ADAMTS2: variants seen among roughly 807,000 people sequenced by gnomAD.
ADAMTS2 encodes the protein A disintegrin and metalloproteinase with thrombospondin motifs 2.
Under a neutral mutation model 123.0 loss-of-function variants are expected in ADAMTS2, and 50 were observed. The ratio of observed to expected loss-of-function variants is 0.41; its 90% CI spans 0.32 to 0.51. ADAMTS2 has a LOEUF of 0.51. ADAMTS2 is among the 20% of genes least tolerant of loss of function. The probability of loss-of-function intolerance (pLI) is 0.35; values close to 1 mark genes in which losing one functional copy is unlikely to be tolerated. For synonymous variants in ADAMTS2, 678 were observed against 695.4 expected (o/e 0.98, Z 0.39); for missense variants, 1,494 against 1,705.2 (o/e 0.88, Z 2.18).
chr5:179,261,772 A>G (rs969814534), intron 3 of ADAMTS2, among the ~76,000 whole-genome samples: 2 of 152,200 alleles, frequency 1.3e-5, no homozygotes, highest in Non-Finnish European at 2.9e-5. Context: ...CGTGCAGGCC[A>G]CAGTTCCTGC....
At chr5:179,210,703 G>A (rs1318648361) in intron 3 of ADAMTS2, among the ~76,000 whole-genome samples, 1 of 152,210 alleles carries the variant, frequency 6.6e-6, no homozygotes, top group African/African-American at 2.4e-5. Flanking sequence ...GAAGCCCTAA[G>A]AGCAGGGGGA....
chr5:179,272,914 T>G lies in ADAMTS2; in HGVS notation c.685A>C (p.Thr229Pro). 1 of 1,609,234 alleles carries G rather than the reference T, an allele frequency of 6.2e-7. No homozygotes were observed. Among genetic ancestry groups the G allele is most frequent in the Non-Finnish European group, 8.5e-7 (1 of 1,179,890 alleles). Residue 229 changes from threonine (T) to proline (P), a missense_variant, in exon 3 of 22, where the codon ACA (threonine) becomes CCA (proline). By Grantham distance (38) the Thr-to-Pro change is conservative (BLOSUM62 -1). Coordinates refer to ENST00000251582, the MANE Select transcript of ADAMTS2 (RefSeq NM_014244.5). The surrounding 1 kb of genome is among the most constrained non-coding windows in gnomAD (Gnocchi z 5.8). ...TGCCCACCTGCAGTAGCCTCACCTGTGTCCAGGGCCTGTGGCCCCCCGAGA... is the reference window on the plus strand; with the variant it reads ...TGCCCACCTGCAGTAGCCTCACCTGGGTCCAGGGCCTGTGGCCCCCCGAGA... Reference protein sequence around the residue: ...PPLGGPQALDTGASLDSLDSL... With the variant: ...PPLGGPQALDPGASLDSLDSL...
intron 3 of ADAMTS2, among the ~76,000 whole-genome samples, chr5:179,269,455 C>A (rs967656653): frequency 6.6e-5 from 10 of 151,890 alleles, no homozygotes; most frequent in African/African-American, 2.4e-4. Flanking sequence ...TGGCAGCAGC[C>A]GAGAGAGAGA....
At chr5:179,267,079 T>C (rs1041237027) in intron 3 of ADAMTS2, among the ~76,000 whole-genome samples, 19 of 152,280 alleles carry the variant, frequency 1.2e-4, no homozygotes, top group African/African-American at 4.6e-4. Context: ...CCCTGGGCTC[T>C]GCACACCCAG....
chr5:179,127,399 G>T (rs924427703), intron 17 of ADAMTS2, among the ~76,000 whole-genome samples: 8 of 152,102 alleles, frequency 5.3e-5, no homozygotes, highest in African/African-American at 1.9e-4. Context: ...GACTGTCCTG[G>T]TCACTTGCCT....
At position 179,234,933 on chromosome 5, in the gene ADAMTS2, C is replaced by T. The variant is rs945131469; in HGVS notation, c.689-27218G>A. ...GTGCGAGCACACTGGCTAGGGCCTC[C>T]TGATGGGCCTGACCTGCCTGCCAAC... On this transcript the variant is annotated intron_variant, in intron 3 of 21. Coordinates refer to ENST00000251582, the MANE Select transcript of ADAMTS2 (RefSeq NM_014244.5). The surrounding 1 kb of genome is among the most constrained non-coding windows in gnomAD (Gnocchi z 4.7). 6.6e-6 allele frequency among the ~76,000 whole-genome samples: 1 copy of T among 152,232 alleles called. No individual in the cohort carries two copies. The highest frequency in any genetic ancestry group is 2.4e-5 in the African/African-American group (1 of 41,458).
rs536681496 is a variant in ADAMTS2, at chr5:179,342,793, C to T, written c.534+974G>A. 5.3e-5 allele frequency among the ~76,000 whole-genome samples: 8 copies of T among 152,332 alleles called. No homozygotes were observed. In the East Asian group the frequency reaches 1.2e-3, roughly 22 times the overall value. On this transcript the variant is annotated intron_variant, in intron 2 of 21. Coordinates refer to ENST00000251582, the MANE Select transcript of ADAMTS2 (RefSeq NM_014244.5). Reference sequence around the variant, plus strand: ...TGCTGTGTGCCAGGCCCCGGGCAGCCGGACAGAGCACCGCCAATGTCAGCC... The same window carrying T: ...TGCTGTGTGCCAGGCCCCGGGCAGCTGGACAGAGCACCGCCAATGTCAGCC...
intron 2 of ADAMTS2, among the ~76,000 whole-genome samples, chr5:179,275,980 C>T (rs202005537): frequency 2.0e-5 from 3 of 152,158 alleles, no homozygotes; most frequent in Non-Finnish European, 2.9e-5. Flanking sequence ...GCCTAGGAGG[C>T]AGTGGTAACC....
intron 5 of ADAMTS2, among the ~76,000 whole-genome samples, chr5:179,159,490 C>A (rs1362582372): frequency 6.6e-6 from 1 of 152,172 alleles, no homozygotes; most frequent in Admixed American, 6.5e-5. Flanking sequence ...AAGACTTTGG[C>A]ATCAACCTAA....
rs531672662 is a variant in ADAMTS2, at chr5:179,124,125, A to G, written c.2958+848T>C. On this transcript the variant is annotated intron_variant, in intron 19 of 21. Coordinates refer to ENST00000251582, the MANE Select transcript of ADAMTS2 (RefSeq NM_014244.5). ...TTTCTTTTTCCCGATTCTACTCTGT[A>G]TCCTTTCACCGTAAGCCCCTGCAAC... Among the ~76,000 whole-genome samples the G allele has an allele frequency of 1.8e-4, 27 of 152,210 alleles. No individual in the cohort carries two copies. In the South Asian group the frequency reaches 3.9e-3, roughly 22 times the overall value.
At chr5:179,164,895 C>G (rs1763668550) in intron 5 of ADAMTS2, among the ~76,000 whole-genome samples, 1 of 152,220 alleles carries the variant, frequency 6.6e-6, no homozygotes, top group African/African-American at 2.4e-5. Flanking sequence ...GAGCTACAGG[C>G]AGCCTTGGGT....
chr5:179,244,712 A>G (rs1765743070), intron 3 of ADAMTS2, among the ~76,000 whole-genome samples: 1 of 152,228 alleles, frequency 6.6e-6, no homozygotes, highest in East Asian at 1.9e-4. Flanking sequence ...TAATATATAA[A>G]TGTAATATAT....
intron 2 of ADAMTS2, among the ~76,000 whole-genome samples, chr5:179,274,264 G>GT (rs908455424): frequency 2.0e-5 from 3 of 152,238 alleles, no homozygotes; most frequent in Non-Finnish European, 4.4e-5. Flanking sequence ...AGTGCACACT[G>GT]TGTCCAGCCT....
In ADAMTS2 at chr5:179,138,087, T is replaced by C. The variant is rs976958142; in HGVS notation, c.1776-143A>G. 6.6e-6 allele frequency: 6 copies of C among 915,094 alleles called. No homozygotes were observed. The East Asian group carries it at 1.1e-4, about 16-fold the overall frequency. 56.7% of individuals were successfully genotyped at this position (915,094 alleles called of 1,614,324 possible). On this transcript the variant is annotated intron_variant, in intron 11 of 21. Coordinates refer to ENST00000251582, the MANE Select transcript of ADAMTS2 (RefSeq NM_014244.5). ...TCTGCTGAGCAAAGGGACCTTGCCC[T>C]GCCATGTCCTAGCTGTAAGACCTGG...
rs183620958 is a variant in ADAMTS2, at chr5:179,277,300, G to A, written c.535-4236C>T. ...CTGGACGATGAACATGGTGGCACCT[G>A]CCCCGAGACCAAAGGCTGACACCCC... is the stretch of plus-strand genomic sequence containing the variant. On this transcript the variant is annotated intron_variant, in intron 2 of 21. Transcript: ENST00000251582. 1.6e-4 allele frequency among the ~76,000 whole-genome samples: 23 copies of A among 148,224 alleles called. No individual in the cohort carries two copies. The East Asian group carries it at 4.7e-3, about 30-fold the overall frequency.
At chr5:179,269,067 A>C (rs1328784425) in intron 3 of ADAMTS2, among the ~76,000 whole-genome samples, 1 of 152,152 alleles carries the variant, frequency 6.6e-6, no homozygotes, top group Non-Finnish European at 1.5e-5. Flanking sequence ...GCATCCTTGC[A>C]AGAGGGAAGC....
rs997756044 is a variant in ADAMTS2 at position 179,180,946 on chromosome 5, G to A, written c.975+126C>T. The stretch of plus-strand genomic sequence containing the variant: ...ATCTTGTTTCTTATAGGAACCTCAG[G>A]GGAGCCAGGGAGAGGCAGGGTGGTT... On this transcript the variant is annotated intron_variant, in intron 5 of 21. Coordinates refer to ENST00000251582, the MANE Select transcript of ADAMTS2 (RefSeq NM_014244.5). This position sits in a 1 kb window ranked among gnomAD's most constrained non-coding sequence, Gnocchi z 4.6. 1 of 724,872 alleles carries A rather than the reference G, an allele frequency of 1.4e-6. No homozygotes were observed. The highest frequency in any genetic ancestry group is 2.5e-6 in the Non-Finnish European group (1 of 404,004). 44.9% of individuals were successfully genotyped at this position (724,872 alleles called of 1,614,324 possible).
intron 2 of ADAMTS2, among the ~76,000 whole-genome samples, chr5:179,281,088 C>T (rs1238325164): frequency 1.3e-5 from 2 of 152,186 alleles, no homozygotes; most frequent in African/African-American, 4.8e-5. Context: ...AAACTCCTGA[C>T]CTCAGGTGAT....
At chr5:179,341,284 G>A (rs1248822788) in intron 2 of ADAMTS2, 2 of 339,266 alleles carry the variant, frequency 5.9e-6, no homozygotes, top group East Asian at 1.2e-4. Flanking sequence ...CACTTTAGGA[G>A]GCCAAGATGG....
Sources: gnomAD v4.1 joint callset for allele counts (sites outside exome capture counted in the v4.1 genomes callset) on GRCh38, gnomAD v4.1.1 for gene constraint, Gnocchi (gnomAD v3.1) non-coding constraint, MANE v1.5 for transcripts, NCBI Gene and HGNC (gene_info 2026-07-23, HGNC 2026-07-21) for gene names.